CHODL: variants seen among roughly 807,000 people sequenced by gnomAD.
CHODL encodes transmembrane protein MT75.
A neutral mutation model predicts 34.5 loss-of-function variants in CHODL; 29 were observed. The observed-to-expected ratio is 0.84, with a 90% CI of 0.63 to 1.15. The LOEUF (loss-of-function observed/expected upper bound fraction) is 1.15, where lower values mean the gene tolerates loss of function less well. Among genes scored for constraint, CHODL ranks in the 50% most tolerant of loss-of-function variants. The pLI is 0.00. For synonymous variants in CHODL, 125 were observed against 116.1 expected, an observed-to-expected ratio of 1.08 and a Z score of -0.49; for missense variants, 332 against 332.5, an observed-to-expected ratio of 1.00 and a Z score of 0.01.
chr21:18,261,670 C>CA (rs985443005), intron 4 of CHODL, among the ~76,000 whole-genome samples: 35 of 146,050 alleles, frequency 2.4e-4, no homozygotes, highest in Middle Eastern at 3.5e-3. Flanking sequence ...TGTCCCTCCA[C>CA]AAAAAAAAAA....
chr21:18,173,548 G>A (rs2073256575), intron 2 of CHODL, among the ~76,000 whole-genome samples: 1 of 152,160 alleles, frequency 6.6e-6, no homozygotes, highest in Admixed American at 6.5e-5. Context: ...CTAATGCTCA[G>A]TGTGACAAGA....
Position 18,256,631 on chromosome 21 carries a change from C to G in CHODL, c.202C>G (p.Leu68Val). Residue 68 changes from leucine to valine, a missense_variant, in exon 2 of 6, where the codon CTC (leucine) becomes GTC (valine). Leu to Val is a conservative substitution (Grantham distance 32). Transcript: ENST00000299295. ...GGCTTGTGAGAGTGAGGGAGGAGTC[C>G]TCCTCAGCCTTGAGAATGAAGCAGA... ...RLACESEGGVLLSLENEAEQK... is the reference protein window; with the variant it reads ...RLACESEGGVVLSLENEAEQK... 6.2e-7 allele frequency: 1 copy of G among 1,613,974 alleles called. No homozygotes were observed. The highest frequency in any genetic ancestry group is 1.1e-5 in the South Asian group (1 of 91,074).
chr21:18,174,137 A>ATATATATATATATATATCTTGG (rs2073270555), intron 2 of CHODL, among the ~76,000 whole-genome samples: 1 of 62,480 alleles, frequency 1.6e-5, no homozygotes, highest in African/African-American at 5.5e-5. Context: ...ATATATATAT[A>ATATATATATATATATATCTTGG]TATATATATA....
intron 2 of CHODL, among the ~76,000 whole-genome samples, chr21:18,116,023 C>G (rs1288135143): frequency 6.6e-6 from 1 of 151,950 alleles, no homozygotes; most frequent in Admixed American, 6.6e-5. Context: ...TAATACATTT[C>G]CTACTTTTCT....
intron 1 of CHODL, among the ~76,000 whole-genome samples, chr21:17,952,194 CAAAA>C (rs58511535): frequency 3.0e-4 from 24 of 80,370 alleles, no homozygotes; most frequent in East Asian, 2.4e-3. Flanking sequence ...TACTATGTCT[CAAAA>C]AAAAAAAAAA....
chr21:17,962,896 TACTAAAAAC>T (rs1025906485), intron 1 of CHODL, among the ~76,000 whole-genome samples: 2 of 151,930 alleles, frequency 1.3e-5, no homozygotes, highest in Non-Finnish European at 2.9e-5. Context: ...AACCTGTCTC[TACTAAAAAC>T]ACAAAAAAAT....
intron 1 of CHODL, chr21:18,245,856 G>A (rs2074134401): frequency 7.4e-6 from 11 of 1,486,160 alleles, no homozygotes; most frequent in Non-Finnish European, 8.2e-6. Flanking sequence ...TGGTCATTGC[G>A]TGTAGATGCC....
At chr21:18,264,891 C>G (rs192851132) in intron 5 of CHODL, among the ~76,000 whole-genome samples, 444 of 152,010 alleles carry the variant, frequency 2.9e-3, no homozygotes, top group African/African-American at 9.9e-3. Flanking sequence ...AATCAAGTGA[C>G]TTAGGTGCAG....
intron 2 of CHODL, among the ~76,000 whole-genome samples, chr21:18,171,295 C>T (rs9975861): frequency 0.99 from 136,965 of 138,100 alleles, 67,926 homozygotes; most frequent in East Asian, 1. Context: ...CAAGCTCCGC[C>T]TCCCGGGTTC....
At chr21:17,937,416 G>A (rs549205232) in intron 1 of CHODL, among the ~76,000 whole-genome samples, 49 of 152,312 alleles carry the variant, frequency 3.2e-4, no homozygotes, top group Non-Finnish European at 6.3e-4. Context: ...AGTGTTCAGT[G>A]TCCTGGGAAC....
intron 1 of CHODL, among the ~76,000 whole-genome samples, chr21:17,965,385 G>T (rs1338536548): frequency 3.9e-5 from 6 of 152,080 alleles, no homozygotes; most frequent in African/African-American, 9.7e-5. Context: ...ATATAGTGCA[G>T]TCATATTTTT....
intron 1 of CHODL, among the ~76,000 whole-genome samples, chr21:17,919,146 G>C (rs2063164379): frequency 6.6e-6 from 1 of 152,198 alleles, no homozygotes; most frequent in Non-Finnish European, 1.5e-5. Flanking sequence ...AGTGCAAGCT[G>C]TCAGTGGATC....
chr21:18,136,122 AAAG>A (rs1340266976), intron 2 of CHODL, among the ~76,000 whole-genome samples: 9 of 127,242 alleles, frequency 7.1e-5, no homozygotes, highest in Non-Finnish European at 1.1e-4. Flanking sequence ...AAAAAAAGAA[AAAG>A]AAAAAAAAGA....
At chr21:17,957,726 T>G (rs1475051050) in intron 1 of CHODL, among the ~76,000 whole-genome samples, 2 of 151,140 alleles carry the variant, frequency 1.3e-5, no homozygotes, top group East Asian at 3.8e-4. Context: ...TAATAAAATA[T>G]AAAATAAAAT....
chr21:18,148,240 ATCACAAC>A (rs2072921236), intron 2 of CHODL, among the ~76,000 whole-genome samples: 1 of 152,176 alleles, frequency 6.6e-6, no homozygotes, highest in African/African-American at 2.4e-5. Flanking sequence ...TTTTTAAGCA[ATCACAAC>A]TCACAGCAAA....
chr21:18,262,916 G>A (rs2074400328), intron 5 of CHODL, 23 bp downstream of exon 5: 1 of 1,332,364 alleles, frequency 7.5e-7, no homozygotes, highest in South Asian at 1.2e-5. Context: ...TATATGTAGA[G>A]ACAATTTGAA....
intron 2 of CHODL, among the ~76,000 whole-genome samples, chr21:18,136,041 A>T (rs1284851006): frequency 1.5e-4 from 20 of 132,566 alleles, no homozygotes; most frequent in African/African-American, 5.7e-4. Context: ...TGGGAGACGG[A>T]GGTTGCAGCG....
chr21:18,181,170 T>A (rs1423499625), intron 2 of CHODL, among the ~76,000 whole-genome samples: 1 of 152,212 alleles, frequency 6.6e-6, no homozygotes, highest in Non-Finnish European at 1.5e-5. Flanking sequence ...AAGGGTGATA[T>A]GTAATTTAAC....
At chr21:17,975,615 C>G (rs1245457140) in intron 1 of CHODL, among the ~76,000 whole-genome samples, 3 of 152,094 alleles carry the variant, frequency 2.0e-5, no homozygotes, top group African/African-American at 7.2e-5. Context: ...TTTTTCTTGA[C>G]CTTGAGGCTT....
Sources: gnomAD v4.1 joint callset for allele counts (sites outside exome capture counted in the v4.1 genomes callset) on GRCh38, gnomAD v4.1.1 for gene constraint, MANE v1.5 for transcripts, NCBI Gene and HGNC (gene_info 2026-07-23, HGNC 2026-07-21) for gene names.